Variants in TGM2 observed in about 807,000 individuals in gnomAD.
TGM2 encodes the protein protein-glutamine gamma-glutamyltransferase 2.
A neutral mutation model predicts 75.6 loss-of-function variants in TGM2; 53 were observed. The ratio of observed to expected loss-of-function variants is 0.70; its 90% CI spans 0.56 to 0.88. The LOEUF is 0.88. TGM2 is among the 40% of genes least tolerant of loss of function. TGM2 has a pLI of 0.00. For synonymous variants in TGM2, 374 were observed against 381.1 expected (o/e 0.98, Z 0.22); for missense variants, 842 against 928.5 (o/e 0.91, Z 1.21).
At chr20:38,148,161 C>G in intron 4 of TGM2, 72 bp from the exon 5 acceptor site, 16 of 1,598,308 alleles carry the variant, frequency 1.0e-5, no homozygotes, top group South Asian at 4.4e-5. Flanking sequence ...TGCGTTGAAG[C>G]CTCCAGCAGC....
rs771987793 is a variant in TGM2, at chr20:38,161,507, G to A, written c.103C>T (p.Arg35Trp). 1.1e-5 allele frequency: 17 copies of A among 1,614,036 alleles called. No individual in the cohort carries two copies. Among genetic ancestry groups the A allele is most frequent in the Admixed American group, 3.3e-5 (2 of 60,008 alleles). ...DLCREKLVVR[R>W]GQPFWLTLHF... ...AGGGTCAGCCAGAAGGGCTGGCCCC[G>A]TCGCACCACCAGCTTCTCCCGGCAC... Residue 35 changes from arginine (R) to tryptophan (W), a missense_variant, in exon 2 of 13, where the codon CGG becomes TGG. By Grantham distance (101) the Arg-to-Trp change is moderately radical (BLOSUM62 -3). Coordinates refer to ENST00000361475, the MANE Select transcript of TGM2 (RefSeq NM_004613.4).
At position 38,139,405 on chromosome 20, in the gene TGM2, C is replaced by A. The variant is rs2122875837; in HGVS notation, c.1342+7G>T. 1 of 1,614,122 alleles carries A rather than the reference C, an allele frequency of 6.2e-7. No individual in the cohort carries two copies. The highest frequency in any genetic ancestry group is 8.5e-7 in the Non-Finnish European group (1 of 1,180,004). ...AAGGCTGCATTAAAGACTCTGAGGG[C>A]ACATACCCTCTGGGTATTTGTAGGT... On this transcript the variant is annotated splice_region_variant and intron_variant, in intron 9 of 12. Coordinates refer to ENST00000361475, the MANE Select transcript of TGM2 (RefSeq NM_004613.4).
At chr20:38,137,009 G>A (rs1478894095) in intron 10 of TGM2, among the ~76,000 whole-genome samples, 3 of 152,294 alleles carry the variant, frequency 2.0e-5, no homozygotes, top group Admixed American at 6.5e-5. Context: ...ACTGCGAAGG[G>A]GATCTGCCTA....
chr20:38,143,594 T>A (rs993122172), intron 6 of TGM2, among the ~76,000 whole-genome samples: 8 of 152,060 alleles, frequency 5.3e-5, no homozygotes, highest in Admixed American at 3.9e-4. Context: ...GGGAGGAAAA[T>A]CCCGGTGTGG....
intron 10 of TGM2, among the ~76,000 whole-genome samples, chr20:38,137,599 G>T (rs920236325): frequency 2.6e-5 from 4 of 152,334 alleles, no homozygotes; most frequent in Admixed American, 6.5e-5. Context: ...CCATCACTGT[G>T]GAAAGTGCAA....
rs900618314 is a variant in TGM2, at chr20:38,156,861, G to A, written c.191-772C>T. Among the ~76,000 whole-genome samples, 14 of 152,236 alleles carry A rather than the reference G, an allele frequency of 9.2e-5. 1 individual carries two copies. The highest frequency in any genetic ancestry group is 1.6e-4 in the Non-Finnish European group (11 of 68,050). On this transcript the variant is annotated intron_variant, in intron 2 of 12. Transcript: ENST00000361475. ...ATCCTAGGAGTTTGTGGCAAAGGTC[G>A]CATCTGAAGTGGGTCTTTAGCTCTC...
intron 2 of TGM2, among the ~76,000 whole-genome samples, chr20:38,160,047 G>A (rs936823487): frequency 6.6e-6 from 1 of 152,162 alleles, no homozygotes; most frequent in African/African-American, 2.4e-5. Flanking sequence ...GTGTGCTTGT[G>A]GGGGAGCCCC....
At chr20:38,151,783 G>A (rs2075118197) in intron 3 of TGM2, among the ~76,000 whole-genome samples, 2 of 152,198 alleles carry the variant, frequency 1.3e-5, no homozygotes, top group Admixed American at 6.5e-5. Context: ...GGAACCTGGA[G>A]GGTAGCATTC....
intron 9 of TGM2, 97 bp from the exon 10 acceptor site, chr20:38,138,482 T>G: frequency 6.2e-7 from 1 of 1,601,322 alleles, no homozygotes. Flanking sequence ...GCCTGATGAC[T>G]CAGGGCAGCC....
rs1338751109 is a variant in TGM2 at position 38,161,500 on chromosome 20, TG to T, written c.109del (p.Gln37SerfsTer5). ...CREKLVVRRG[Q>X]PFWLTLHFEG... is the part of the protein sequence containing the mutation. The stretch of plus-strand genomic sequence containing the variant: ...AAAGTGCAGGGTCAGCCAGAAGGGC[TG>T]GCCCCGTCGCACCACCAGCTTCTCC... On this transcript the variant is annotated frameshift_variant, in exon 2 of 13. Coordinates refer to ENST00000361475, the MANE Select transcript of TGM2 (RefSeq NM_004613.4). LOFTEE classifies it high-confidence loss of function. The T allele has an allele frequency of 6.2e-7, 1 of 1,614,068 alleles. No homozygotes were observed. The highest frequency in any genetic ancestry group is 1.3e-5 in the African/African-American group (1 of 74,938).
intron 7 of TGM2, 60 bp downstream of exon 7, chr20:38,142,004 G>T (rs943056473): frequency 1.9e-6 from 3 of 1,606,596 alleles, no homozygotes; most frequent in South Asian, 1.1e-5. Flanking sequence ...GCCCTCCAAG[G>T]TTTCCTCTCC....
At chr20:38,140,111 T>C (rs1373419135) in intron 8 of TGM2, among the ~76,000 whole-genome samples, 4 of 152,250 alleles carry the variant, frequency 2.6e-5, no homozygotes, top group Non-Finnish European at 5.9e-5. Context: ...CGTTTCCTGC[T>C]CATACTGAGA....
At chr20:38,137,887 A>G in intron 10 of TGM2, 1 of 989,864 alleles carries the variant, frequency 1.0e-6, no homozygotes, top group East Asian at 2.7e-5. Context: ...TCTGTGCCTC[A>G]GTCTACTCAT....
chr20:38,132,426 G>A lies in TGM2; in HGVS notation c.1690C>T (p.Arg564Trp), dbSNP rs756211450. The change falls in exon 11 of 13, where the codon CGG becomes TGG. Residue 564 changes from arginine (R) to tryptophan (W), a missense_variant. Transcript: ENST00000361475. Reference protein sequence around the residue: ...CLTESNLIKVRALLVEPVINS... With the variant: ...CLTESNLIKVWALLVEPVINS... ...ATAACTGGCTCCACGAGGAGGGCCC[G>A]CACCTTGATGAGGTTGGACTCCGTA... The A allele has an allele frequency of 1.2e-5, 19 of 1,614,012 alleles. No individual in the cohort carries two copies. Among genetic ancestry groups the A allele is most frequent in the Admixed American group, 3.3e-5 (2 of 60,010 alleles).
chr20:38,157,258 C>A (rs1464028225), intron 2 of TGM2, among the ~76,000 whole-genome samples: 1 of 152,184 alleles, frequency 6.6e-6, no homozygotes, highest in Non-Finnish European at 1.5e-5. Context: ...CCACCCACAC[C>A]CAGCTCAAAT....
chr20:38,130,985 G>A, intron 12 of TGM2, 108 bp downstream of exon 12: 1 of 1,548,502 alleles, frequency 6.5e-7, no homozygotes, highest in Non-Finnish European at 8.8e-7. Context: ...TGTGGGAGAT[G>A]AGAGGAGGGG....
chr20:38,155,849 G>T lies in TGM2; in HGVS notation c.431C>A (p.Pro144Gln). ...TGAGTGGATGGCGTGTGGCTCACCT[G>T]GGCACCAGGCGTTGAAGAGCAAAAT... ...HFILLFNAWC[P>Q]ADAVYLDSEE... The change falls in exon 3 of 13, where the codon CCA becomes CAA. Residue 144 changes from proline to glutamine, a missense_variant and splice_region_variant. Coordinates refer to ENST00000361475, the MANE Select transcript of TGM2 (RefSeq NM_004613.4). 1 of 1,597,014 alleles carries T rather than the reference G, an allele frequency of 6.3e-7. No individual in the cohort carries two copies. The highest frequency in any genetic ancestry group is 1.1e-5 in the South Asian group (1 of 87,914).
At chr20:38,164,162 G>A (rs1179559629) in intron 1 of TGM2, among the ~76,000 whole-genome samples, 5 of 151,954 alleles carry the variant, frequency 3.3e-5, no homozygotes, top group African/African-American at 7.2e-5. Flanking sequence ...CCACCGAGGC[G>A]ACACATCACA....
chr20:38,160,689 A>G (rs2075242252), intron 2 of TGM2, among the ~76,000 whole-genome samples: 2 of 152,164 alleles, frequency 1.3e-5, no homozygotes, highest in Admixed American at 6.5e-5. Flanking sequence ...AACTGCCCAC[A>G]TGGAAGGCTG....
Sources: gnomAD v4.1 joint callset for allele counts (sites outside exome capture counted in the v4.1 genomes callset) on GRCh38, gnomAD v4.1.1 for gene constraint, MANE v1.5 for transcripts, NCBI Gene and HGNC (gene_info 2026-07-23, HGNC 2026-07-21) for gene names.